CTNNA3: variants seen among roughly 807,000 people sequenced by gnomAD.
The protein encoded by CTNNA3 is catenin alpha 3, also known as catenin alpha-3.
A neutral mutation model predicts 95.7 loss-of-function variants in CTNNA3; 76 were observed. The ratio of observed to expected loss-of-function variants is 0.79; its 90% CI spans 0.66 to 0.96. The LOEUF (loss-of-function observed/expected upper bound fraction) is 0.96, where lower values mean the gene tolerates loss of function less well. CTNNA3 is among the 40% of genes least tolerant of loss of function. CTNNA3 has a pLI of 0.00. For synonymous variants in CTNNA3, 431 were observed against 374.4 expected (o/e 1.15, Z -1.74); for missense variants, 1,191 against 1,089.8 (o/e 1.09, Z -1.31).
At chr10:65,922,675 G>T (rs1233336993) in intron 17 of CTNNA3, among the ~76,000 whole-genome samples, 2 of 152,022 alleles carry the variant, frequency 1.3e-5, no homozygotes, top group African/African-American at 4.8e-5. Context: ...ATAAAATTAA[G>T]TCAATTTGTT....
In CTNNA3 at chr10:67,726,752, A is replaced by G. The variant is rs886541775; in HGVS notation, c.-2+36682T>C. Among the ~76,000 whole-genome samples the G allele has an allele frequency of 3.4e-3, 4 of 1,186 alleles. No homozygotes were observed. The East Asian group carries it at 0.095, about 28-fold the overall frequency. 0.8% of individuals were successfully genotyped at this position (1,186 alleles called of 152,430 possible). A position where few individuals can be genotyped will look rare whatever the true frequency, so the allele number is the denominator to read the frequency against. On this transcript the variant is annotated intron_variant, in intron 1 of 17. Transcript: ENST00000684154. ...ATATACAATATATTATATATGATAT[A>G]TCATAGAATATGACACATATATCAT... is the stretch of plus-strand genomic sequence containing the variant.
At chr10:66,740,074 T>A (rs1358053604) in intron 9 of CTNNA3, among the ~76,000 whole-genome samples, 3 of 152,204 alleles carry the variant, frequency 2.0e-5, no homozygotes, top group African/African-American at 7.2e-5. Flanking sequence ...GAATTGTGGG[T>A]CACTGTGTTT....
At chr10:66,811,889 T>G (rs2132265327) in intron 7 of CTNNA3, among the ~76,000 whole-genome samples, 1 of 152,316 alleles carries the variant, frequency 6.6e-6, no homozygotes, top group East Asian at 1.9e-4. Context: ...AAGATTTATC[T>G]TAGATTAAGA....
At chr10:67,039,747 C>G (rs1854281095) in intron 7 of CTNNA3, among the ~76,000 whole-genome samples, 1 of 152,084 alleles carries the variant, frequency 6.6e-6, no homozygotes, top group African/African-American at 2.4e-5. Flanking sequence ...TCGAAACAAG[C>G]AAGTAGATTG....
intron 5 of CTNNA3, among the ~76,000 whole-genome samples, chr10:67,229,507 T>G (rs1034425069): frequency 1.3e-5 from 2 of 152,084 alleles, no homozygotes; most frequent in Non-Finnish European, 2.9e-5. Context: ...GCATCCAAAT[T>G]GGTAAAGAGG....
chr10:66,601,763 G>A (rs544589382), intron 10 of CTNNA3, among the ~76,000 whole-genome samples: 2 of 151,890 alleles, frequency 1.3e-5, no homozygotes, highest in South Asian at 4.2e-4. Flanking sequence ...GACTATTGGT[G>A]TACATATAAT....
At chr10:67,373,719 G>C (rs1414068677) in intron 5 of CTNNA3, among the ~76,000 whole-genome samples, 1 of 152,102 alleles carries the variant, frequency 6.6e-6, no homozygotes, top group African/African-American at 2.4e-5. Flanking sequence ...TAAAATGATG[G>C]GGTAATAAGA....
At chr10:66,193,503 G>C (rs2131890992) in intron 13 of CTNNA3, among the ~76,000 whole-genome samples, 1 of 152,208 alleles carries the variant, frequency 6.6e-6, no homozygotes, top group South Asian at 2.1e-4. Context: ...AGGAGAAGAA[G>C]CCATATATAA....
At chr10:66,550,462 A>C (rs10997229) in intron 10 of CTNNA3, among the ~76,000 whole-genome samples, 9,998 of 152,240 alleles carry the variant, frequency 0.066, 508 homozygotes, top group East Asian at 0.24. Flanking sequence ...TTTAGCAAAA[A>C]TCGTTTTAAA....
At chr10:66,577,678 A>G (rs769429889) in intron 10 of CTNNA3, among the ~76,000 whole-genome samples, 1 of 151,668 alleles carries the variant, frequency 6.6e-6, no homozygotes, top group Non-Finnish European at 1.5e-5. Flanking sequence ...CTGTTCTATC[A>G]GTCTGCCTGT....
Position 66,520,698 on chromosome 10 carries a change from G to C in CTNNA3, c.1450C>G (p.Arg484Gly). 1 of 1,611,052 alleles carries C rather than the reference G, an allele frequency of 6.2e-7. No individual in the cohort carries two copies. Among genetic ancestry groups the C allele is most frequent in the Non-Finnish European group, 8.5e-7 (1 of 1,178,264 alleles). Residue 484 changes from arginine (R) to glycine (G), a missense_variant, in exon 11 of 18, where the codon CGT becomes GGT. Physicochemically the swap from Arg to Gly is moderately radical, Grantham distance 125 (BLOSUM62 -2). Coordinates refer to ENST00000433211, the MANE Select transcript of CTNNA3 (RefSeq NM_013266.4). ...AVKNTMEMYK[R>G]TWENHIHVLT... Reference sequence around the variant, plus strand: ...ACATGTATATGATTCTCCCATGTACGCTTGTACATTTCCATGGTGTTTTTG... The same window carrying C: ...ACATGTATATGATTCTCCCATGTACCCTTGTACATTTCCATGGTGTTTTTG...
Position 66,589,321 on chromosome 10 carries a change from G to A in CTNNA3, c.1374+32371C>T, listed in dbSNP as rs1027936009. On this transcript the variant is annotated intron_variant, in intron 10 of 17. Transcript: ENST00000433211. ...AAAGGGGTGGGAAGTTCCCTAGCTA[G>A]ATAATGAAATTCTTCTATTTCACTT... Among the ~76,000 whole-genome samples, 3 of 151,924 alleles carry A rather than the reference G, an allele frequency of 2.0e-5. 1 individual carries two copies. Among genetic ancestry groups the A allele is most frequent in the Non-Finnish European group, 4.4e-5 (3 of 67,984 alleles).
At chr10:66,910,187 G>T (rs1235587637) in intron 7 of CTNNA3, among the ~76,000 whole-genome samples, 1 of 152,142 alleles carries the variant, frequency 6.6e-6, no homozygotes, top group Non-Finnish European at 1.5e-5. Flanking sequence ...TTTAAAGTCA[G>T]CTAGAAAATG....
intron 2 of CTNNA3, among the ~76,000 whole-genome samples, chr10:67,637,370 G>C (rs1434432004): frequency 6.6e-6 from 1 of 152,198 alleles, no homozygotes; most frequent in Non-Finnish European, 1.5e-5. Context: ...TATGTGAAAA[G>C]ACCATATCTA....
chr10:67,683,834 T>G (rs1840674941), intron 1 of CTNNA3, among the ~76,000 whole-genome samples: 1 of 152,092 alleles, frequency 6.6e-6, no homozygotes, highest in South Asian at 2.1e-4. Context: ...CCACAGACCT[T>G]CTCAGTGAGT....
intron 12 of CTNNA3, among the ~76,000 whole-genome samples, chr10:66,377,448 T>G (rs1253248316): frequency 6.6e-6 from 1 of 152,120 alleles, no homozygotes; most frequent in Non-Finnish European, 1.5e-5. Flanking sequence ...TGCAATTAAG[T>G]GTTTAAATAA....
intron 10 of CTNNA3, among the ~76,000 whole-genome samples, chr10:66,532,887 C>A (rs1173595639): frequency 6.6e-6 from 1 of 152,026 alleles, no homozygotes; most frequent in African/African-American, 2.4e-5. Context: ...TGCATGGTCT[C>A]CTTCTCTCTC....
At chr10:66,398,150 A>G (rs1415380151) in intron 11 of CTNNA3, among the ~76,000 whole-genome samples, 2 of 152,020 alleles carry the variant, frequency 1.3e-5, no homozygotes, top group East Asian at 3.9e-4. Flanking sequence ...TTCTTTGCAC[A>G]TTTTAAGTAT....
intron 5 of CTNNA3, among the ~76,000 whole-genome samples, chr10:67,389,804 T>C (rs1179706203): frequency 1.3e-5 from 2 of 152,176 alleles, no homozygotes; most frequent in African/African-American, 2.4e-5. Context: ...TGCTCCTGAA[T>C]GACTACTGGG....
Sources: allele counts gnomAD v4.1 joint callset (sites outside exome capture counted in the v4.1 genomes callset), GRCh38; gene constraint gnomAD v4.1.1; transcripts MANE v1.5; gene names NCBI Gene and HGNC (gene_info 2026-07-23, HGNC 2026-07-21).